SH3BGRL2: variants seen among roughly 807,000 people sequenced by gnomAD.
The protein encoded by SH3BGRL2 is SH3 domain binding glutamate rich protein like 2.
Under a neutral mutation model 14.8 loss-of-function variants are expected in SH3BGRL2, and 21 were observed. The ratio of observed to expected loss-of-function variants is 1.42; its 90% confidence interval spans 1.01 to 2.05. SH3BGRL2 has a LOEUF of 2.05. Among genes scored for constraint, SH3BGRL2 ranks in the 30% most tolerant of loss-of-function variants. The pLI, the probability that SH3BGRL2 is intolerant of heterozygous loss-of-function variation, is 0.00. For missense variants in SH3BGRL2, 147 were observed against 130.8 expected (o/e 1.12, Z -0.61); for synonymous variants, 50 against 47.8 (o/e 1.05, Z -0.19).
chr6:79,692,832 C>T (rs557495074), intron 2 of SH3BGRL2, among the ~76,000 whole-genome samples: 401 of 151,480 alleles, frequency 2.6e-3, no homozygotes, highest in Non-Finnish European at 4.4e-3. Flanking sequence ...ATTGACTTGG[C>T]GATGCGGGCT....
At chr6:79,605,213 G>A in the SH3BGRL2 span, among the ~76,000 whole-genome samples, 1 of 152,190 alleles carries the variant, frequency 6.6e-6, no homozygotes, top group South Asian at 2.1e-4. Context: ...GCTATGCGGA[G>A]TAACCACATG....
At chr6:79,691,374 C>CT (rs1770211206) in intron 2 of SH3BGRL2, among the ~76,000 whole-genome samples, 1 of 150,682 alleles carries the variant, frequency 6.6e-6, no homozygotes. Context: ...TATTATTATA[C>CT]TTTAAGTTTT....
In SH3BGRL2 at chr6:79,640,305, G is replaced by A. The variant is rs1357743810; in HGVS notation, c.45+8799G>A. On this transcript the variant is annotated intron_variant, in intron 1 of 3. Coordinates refer to ENST00000369838, the MANE Select transcript of SH3BGRL2 (RefSeq NM_031469.4). ...CACAGTGGACTGTGGTAATTTAAAG[G>A]GTTAGTATTGCTATCTCTTTTATAT... Among the ~76,000 whole-genome samples, 4 of 152,256 alleles carry A rather than the reference G, an allele frequency of 2.6e-5. No individual in the cohort carries two copies. The East Asian group carries it at 7.7e-4, about 29-fold the overall frequency.
chr6:79,641,886 A>T (rs555459214), intron 1 of SH3BGRL2, among the ~76,000 whole-genome samples: 1 of 152,334 alleles, frequency 6.6e-6, no homozygotes, highest in East Asian at 1.9e-4. Flanking sequence ...AGTAAATTTA[A>T]GTGTAAAGGG....
the SH3BGRL2 span, among the ~76,000 whole-genome samples, chr6:79,547,666 GT>G: frequency 7.9e-5 from 12 of 152,036 alleles, no homozygotes; most frequent in African/African-American, 2.9e-4. Flanking sequence ...TGAGATTGAA[GT>G]TTTAAACTGG....
chr6:79,652,623 T>G (rs565676339), intron 1 of SH3BGRL2, among the ~76,000 whole-genome samples: 2 of 152,094 alleles, frequency 1.3e-5, no homozygotes, highest in East Asian at 3.9e-4. Flanking sequence ...ATCTTAGGCC[T>G]GGTACTCAAT....
the SH3BGRL2 span, among the ~76,000 whole-genome samples, chr6:79,573,687 T>A: frequency 6.6e-6 from 1 of 152,232 alleles, no homozygotes; most frequent in Non-Finnish European, 1.5e-5. Context: ...TCTTAAAGTC[T>A]GCACAACTAT....
chr6:79,546,825 G>A, the SH3BGRL2 span, among the ~76,000 whole-genome samples: 29,532 of 151,604 alleles, frequency 0.19, 2,934 homozygotes, highest in South Asian at 0.22. Context: ...GATTACAGAT[G>A]CGCGCCACCA....
intron 2 of SH3BGRL2, among the ~76,000 whole-genome samples, chr6:79,684,474 A>G (rs555163751): frequency 2.0e-5 from 3 of 152,086 alleles, no homozygotes; most frequent in South Asian, 2.1e-4. Flanking sequence ...TATCCATTAG[A>G]TTGCTAGAAA....
chr6:79,660,496 A>G (rs1406280244), intron 1 of SH3BGRL2, among the ~76,000 whole-genome samples: 2 of 151,850 alleles, frequency 1.3e-5, no homozygotes, highest in Non-Finnish European at 2.9e-5. Context: ...AGGCGACCTG[A>G]TCGTGGTGGA....
At chr6:79,573,530 CACAAA>C in the SH3BGRL2 span, among the ~76,000 whole-genome samples, 3 of 151,888 alleles carry the variant, frequency 2.0e-5, no homozygotes, top group African/African-American at 4.8e-5. Flanking sequence ...TGTTAAAGTC[CACAAA>C]ACAAAACAAA....
chr6:79,594,558 A>G, the SH3BGRL2 span, among the ~76,000 whole-genome samples: 1 of 152,040 alleles, frequency 6.6e-6, no homozygotes, highest in African/African-American at 2.4e-5. Flanking sequence ...TGTCAGATCA[A>G]CTGGTGCTCC....
intron 1 of SH3BGRL2, among the ~76,000 whole-genome samples, chr6:79,660,652 A>C (rs1769525534): frequency 6.6e-6 from 1 of 152,200 alleles, no homozygotes; most frequent in Non-Finnish European, 1.5e-5. Context: ...TGCTGGCCTC[A>C]TAAAATGAGT....
the SH3BGRL2 span, among the ~76,000 whole-genome samples, chr6:79,602,039 A>G: frequency 3.3e-5 from 5 of 152,184 alleles, no homozygotes; most frequent in Non-Finnish European, 5.9e-5. Context: ...AACAGAAACC[A>G]TACCAACACT....
intron 1 of SH3BGRL2, among the ~76,000 whole-genome samples, chr6:79,647,908 T>G (rs779570533): frequency 6.6e-6 from 1 of 152,054 alleles, no homozygotes. Context: ...TTAGACTTAA[T>G]GACCCCTTTT....
At chr6:79,543,448 C>T in the SH3BGRL2 span, among the ~76,000 whole-genome samples, 1 of 152,174 alleles carries the variant, frequency 6.6e-6, no homozygotes, top group Non-Finnish European at 1.5e-5. Flanking sequence ...AGGTAGCCAG[C>T]TTCCAAAAAG....
chr6:79,587,153 C>T, the SH3BGRL2 span, among the ~76,000 whole-genome samples: 7 of 152,166 alleles, frequency 4.6e-5, no homozygotes, highest in African/African-American at 1.7e-4. Flanking sequence ...GTAATCTCTT[C>T]CCAACTTTGA....
chr6:79,673,433 A>G lies in SH3BGRL2; in HGVS notation c.46-181A>G, dbSNP rs184738296. Among the ~76,000 whole-genome samples the G allele has an allele frequency of 5.7e-4, 87 of 152,186 alleles. No homozygotes were observed. In the East Asian group the frequency reaches 0.016, roughly 27 times the overall value. On this transcript the variant is annotated intron_variant, in intron 1 of 3. Coordinates refer to ENST00000369838, the MANE Select transcript of SH3BGRL2 (RefSeq NM_031469.4). ...CAAAATAGCAATAACAACATCAAAG[A>G]AACGACTGTGTTGGGGCTGGCTCAG...
At chr6:79,625,043 C>T in the SH3BGRL2 span, among the ~76,000 whole-genome samples, 1 of 152,098 alleles carries the variant, frequency 6.6e-6, no homozygotes, top group Admixed American at 6.5e-5. Flanking sequence ...TGTGGTGGCG[C>T]ATGCTTGTAG....
Sources: gnomAD v4.1 joint callset for allele counts (sites outside exome capture counted in the v4.1 genomes callset) on GRCh38, gnomAD v4.1.1 for gene constraint, MANE v1.5 for transcripts, NCBI Gene and HGNC (gene_info 2026-07-23, HGNC 2026-07-21) for gene names.